Variants in MYL10 observed in about 807,000 individuals in gnomAD.
The protein encoded by MYL10 is myosin regulatory light chain 10.
In MYL10, 18 loss-of-function variants were observed where a neutral mutation model predicts 21.9. The ratio of observed to expected loss-of-function variants is 0.82; its 90% CI spans 0.57 to 1.22. The LOEUF (loss-of-function observed/expected upper bound fraction) is 1.22, where lower values mean the gene tolerates loss of function less well. Among genes scored for constraint, MYL10 ranks in the 50% most tolerant of loss-of-function variants. MYL10 has a pLI of 0.00. For missense variants in MYL10, 225 were observed against 230.4 expected, an observed-to-expected ratio of 0.98 and a Z score of 0.15; for synonymous variants, 88 against 82.8, an observed-to-expected ratio of 1.06 and a Z score of -0.34.
chr7:101,624,758 C>T (rs1796725246), intron 1 of MYL10, among the ~76,000 whole-genome samples: 1 of 152,192 alleles, frequency 6.6e-6, no homozygotes, highest in African/African-American at 2.4e-5. Flanking sequence ...CTACTCTGTC[C>T]CAGAGCTGCC....
In MYL10 at chr7:101,616,465, C is replaced by T. The variant is rs143650452; in HGVS notation, c.455-167G>A. Among the ~76,000 whole-genome samples, 954 of 152,214 alleles carry T rather than the reference C, an allele frequency of 6.3e-3. 9 individuals carry two copies. The highest frequency in any genetic ancestry group is 0.021 in the African/African-American group (876 of 41,536). ...CCAACTTTCACTGCACAGCGAGGGC[C>T]GAGCTCACTTGAAGCAAGAACAAGG... On this transcript the variant is annotated intron_variant, in intron 5 of 7. Coordinates refer to ENST00000223167, the MANE Select transcript of MYL10 (RefSeq NM_138403.5).
At chr7:101,623,766 G>A (rs1463763348) in intron 3 of MYL10, among the ~76,000 whole-genome samples, 154 bp downstream of exon 3, 4 of 150,916 alleles carry the variant, frequency 2.7e-5, no homozygotes, top group African/African-American at 9.7e-5. Flanking sequence ...TGTGGCTCAC[G>A]TCTGTAATCC....
chr7:101,620,087 G>A (rs540683940), intron 5 of MYL10, among the ~76,000 whole-genome samples: 6 of 151,830 alleles, frequency 4.0e-5, no homozygotes, highest in Non-Finnish European at 7.4e-5. Flanking sequence ...TTTGGGAGGC[G>A]GATATGGGCG....
At chr7:101,622,851 A>C in intron 4 of MYL10, 146 bp downstream of exon 4, 1 of 525,274 alleles carries the variant, frequency 1.9e-6, no homozygotes, top group South Asian at 2.3e-5. Context: ...TCCCCCCCTG[A>C]CTTTCCAGAC....
In MYL10 at chr7:101,613,671, A is replaced by C; in HGVS notation, c.573T>G (p.Ser191Arg). 6.2e-7 allele frequency: 1 copy of C among 1,614,072 alleles called. No individual in the cohort carries two copies. Among genetic ancestry groups the C allele is most frequent in the Non-Finnish European group, 8.5e-7 (1 of 1,180,012 alleles). ...CAGAATCCCAGTTTACCTCCTCCTC[A>C]CTGAAGCGGTCTGCCTGGGTCATAA... ...EKLMTQADRFSEEEVKQMFAA... is the reference protein window; with the variant it reads ...EKLMTQADRFREEEVKQMFAA... The change falls in exon 7 of 8, where the codon AGT becomes AGG. Residue 191 changes from serine (S) to arginine (R), a missense_variant. Ser to Arg is a moderately radical substitution (Grantham distance 110). Transcript: ENST00000223167.
chr7:101,616,295 G>A lies in MYL10; in HGVS notation c.458C>T (p.Thr153Met), dbSNP rs201660825. Residue 153 changes from threonine (T) to methionine (M), a missense_variant, in exon 6 of 8, where the codon ACG becomes ATG. Transcript: ENST00000223167. ...LTMFGEKLKG[T>M]DPEETILHAF... is the part of the protein sequence containing the mutation. ...GTGGAGAATGGTCTCCTCTGGGTCC[G>A]TGCCTATAAGCAGCACATACAGGGC... 67 of 1,613,558 alleles carry A rather than the reference G, an allele frequency of 4.2e-5. No individual in the cohort carries two copies. Among genetic ancestry groups the A allele is most frequent in the Admixed American group, 3.7e-4 (22 of 60,002 alleles).
chr7:101,613,816 G>T, intron 6 of MYL10, 106 bp from the exon 7 acceptor site: 1 of 1,078,632 alleles, frequency 9.3e-7, no homozygotes, highest in South Asian at 1.3e-5. Flanking sequence ...GGACATCCTG[G>T]ACCAGGAGGA....
At chr7:101,627,804 G>C (rs917968613) in intron 1 of MYL10, among the ~76,000 whole-genome samples, 12 of 152,264 alleles carry the variant, frequency 7.9e-5, no homozygotes, top group African/African-American at 2.7e-4. Context: ...AGAGTAAGTT[G>C]AGGCTGCCTA....
chr7:101,624,314 G>T, intron 1 of MYL10, 50 bp from the exon 2 acceptor site: 3 of 1,418,464 alleles, frequency 2.1e-6, no homozygotes, highest in Non-Finnish European at 3.0e-6. Flanking sequence ...TCGAGGGTCA[G>T]CCCCCACCCC....
intron 1 of MYL10, among the ~76,000 whole-genome samples, chr7:101,626,340 C>T (rs1356662336): frequency 6.6e-6 from 1 of 152,190 alleles, no homozygotes; most frequent in Non-Finnish European, 1.5e-5. Flanking sequence ...CCAAGAAGAT[C>T]ACAGTCCCGC....
Position 101,622,181 on chromosome 7 carries a change from G to C in MYL10, c.369C>G (p.Asn123Lys). The C allele has an allele frequency of 1.9e-6, 3 of 1,613,084 alleles. No homozygotes were observed. Among genetic ancestry groups the C allele is most frequent in the Non-Finnish European group, 8.5e-7 (1 of 1,179,382 alleles). The change falls in exon 5 of 8, where the codon AAC (asparagine) becomes AAG (lysine). Residue 123 changes from asparagine to lysine, a missense_variant. Physicochemically the swap from Asn to Lys is moderately conservative, Grantham distance 94 (BLOSUM62 0). Coordinates refer to ENST00000223167, the MANE Select transcript of MYL10 (RefSeq NM_138403.5). Reference protein sequence around the residue: ...FAALGRINVKNEELEAMVKEA... With the variant: ...FAALGRINVKKEELEAMVKEA... ...CCTTCACCATGGCCTCCAGTTCCTC[G>C]TTCTTGACATTGATGCGGCCTGTGG...
intron 1 of MYL10, among the ~76,000 whole-genome samples, chr7:101,627,229 G>A (rs1297385309): frequency 6.6e-6 from 1 of 152,010 alleles, no homozygotes; most frequent in Non-Finnish European, 1.5e-5. Context: ...AAGCCAGGAG[G>A]TGGAGGTTGC....
intron 2 of MYL10, 55 bp downstream of exon 2, chr7:101,624,117 A>G: frequency 9.2e-7 from 1 of 1,085,500 alleles, no homozygotes. Flanking sequence ...CTCCTTGAGC[A>G]ACTGGCATGC....
chr7:101,624,364 C>T (rs1173873512), intron 1 of MYL10, 100 bp from the exon 2 acceptor site: 13 of 836,580 alleles, frequency 1.6e-5, no homozygotes, highest in Middle Eastern at 3.5e-4. Context: ...AGAATGACAC[C>T]GCTTTGCCCT....
chr7:101,622,247 G>T, intron 4 of MYL10, 47 bp from the exon 5 acceptor site: 1 of 1,458,828 alleles, frequency 6.9e-7, no homozygotes, highest in Non-Finnish European at 9.5e-7. Flanking sequence ...AGAGATCAGA[G>T]CTTGGGCCTC....
At chr7:101,619,570 G>A (rs1359145968) in intron 5 of MYL10, among the ~76,000 whole-genome samples, 1 of 152,170 alleles carries the variant, frequency 6.6e-6, no homozygotes, top group African/African-American at 2.4e-5. Flanking sequence ...CCCTGTGGTG[G>A]ACTGAATGGT....
intron 5 of MYL10, among the ~76,000 whole-genome samples, chr7:101,621,078 C>T (rs1025962062): frequency 6.6e-6 from 1 of 152,128 alleles, no homozygotes; most frequent in Non-Finnish European, 1.5e-5. Context: ...CATGAGCCAC[C>T]GTGCCCGGCC....
chr7:101,621,577 T>C (rs1796678296), intron 5 of MYL10, among the ~76,000 whole-genome samples: 1 of 140,870 alleles, frequency 7.1e-6, no homozygotes, highest in South Asian at 2.6e-4. Flanking sequence ...TTAAAGGCAG[T>C]GTTTAGTTTT....
chr7:101,622,943 C>A, intron 4 of MYL10, 54 bp downstream of exon 4: 2 of 1,553,280 alleles, frequency 1.3e-6, no homozygotes, highest in South Asian at 2.2e-5. Flanking sequence ...CCCCAACCGC[C>A]CACTCTGTCT....
Sources: gnomAD v4.1 joint callset for allele counts (sites outside exome capture counted in the v4.1 genomes callset) on GRCh38, gnomAD v4.1.1 for gene constraint, MANE v1.5 for transcripts, NCBI Gene and HGNC (gene_info 2026-07-23, HGNC 2026-07-21) for gene names.